Variants in MIB1 observed in about 807,000 individuals in gnomAD.
The protein encoded by MIB1 is MIB E3 ubiquitin protein ligase 1, also known as E3 ubiquitin-protein ligase MIB1.
MIB1 carries 278 observed loss-of-function variants against 124.5 expected under a neutral mutation model. That is an observed-to-expected ratio of 2.23 (90% CI 2.02 to 2.47). The LOEUF (loss-of-function observed/expected upper bound fraction) is 2.47. MIB1 is among the 30% of genes most tolerant of loss of function. The probability of loss-of-function intolerance (pLI) is 0.00; values close to 1 mark genes in which losing one functional copy is unlikely to be tolerated. For synonymous variants in MIB1, 446 were observed against 429.4 expected, an observed-to-expected ratio of 1.04 and a Z score of -0.48; for missense variants, 957 against 1,254.4, an observed-to-expected ratio of 0.76 and a Z score of 3.58.
intron 1 of MIB1, among the ~76,000 whole-genome samples, chr18:21,744,174 A>G (rs1037954158): frequency 2.0e-5 from 3 of 148,752 alleles, no homozygotes; most frequent in African/African-American, 7.4e-5. Context: ...GGACTATAAT[A>G]CTACTTTCAG....
chr18:21,805,809 G>T (rs1286673166), intron 10 of MIB1, among the ~76,000 whole-genome samples: 1 of 150,416 alleles, frequency 6.6e-6, no homozygotes, highest in African/African-American at 2.5e-5. Flanking sequence ...AGAGATTTTT[G>T]TTCACATGAG....
At chr18:21,754,520 TCA>T (rs2041009507) in intron 1 of MIB1, among the ~76,000 whole-genome samples, 1 of 152,180 alleles carries the variant, frequency 6.6e-6, no homozygotes, top group South Asian at 2.1e-4. Flanking sequence ...GGGCTCGTGT[TCA>T]CATAACCCTT....
chr18:21,820,928 A>G (rs1048270322), intron 12 of MIB1, among the ~76,000 whole-genome samples: 1 of 152,236 alleles, frequency 6.6e-6, no homozygotes, highest in African/African-American at 2.4e-5. Context: ...TTTCTGTATT[A>G]TGGTCTGTCT....
chr18:21,747,320 C>T (rs935487625), intron 1 of MIB1, among the ~76,000 whole-genome samples: 1 of 152,124 alleles, frequency 6.6e-6, no homozygotes, highest in African/African-American at 2.4e-5. Flanking sequence ...AACTAGTAGA[C>T]CCCTGTGTCA....
intron 1 of MIB1, among the ~76,000 whole-genome samples, chr18:21,757,798 T>C (rs1331968059): frequency 4.6e-5 from 7 of 151,912 alleles, no homozygotes; most frequent in Non-Finnish European, 1.0e-4. Flanking sequence ...TCTTTTAACA[T>C]TTTAAAATAT....
intron 10 of MIB1, among the ~76,000 whole-genome samples, chr18:21,806,377 A>G (rs1196668824): frequency 6.6e-6 from 1 of 151,598 alleles, no homozygotes; most frequent in East Asian, 2.0e-4. Flanking sequence ...ATTTTTAAAA[A>G]TTTTTATAAA....
At position 21,797,700 on chromosome 18, in the gene MIB1, G is replaced by GT. The variant is rs934982802; in HGVS notation, c.1093-376dup. 2.0e-4 allele frequency among the ~76,000 whole-genome samples: 30 copies of GT among 151,404 alleles called. 1 individual carries two copies. In the South Asian group the frequency reaches 3.8e-3, roughly 19 times the overall value. On this transcript the variant is annotated intron_variant, in intron 7 of 20. Coordinates refer to ENST00000261537, the MANE Select transcript of MIB1 (RefSeq NM_020774.4). ...AAATTAGTTTATTTTTTTATTTTTTGTTTTTTTTAGAAATCCAATTTTCTT... is the reference window on the plus strand; with the variant it reads ...AAATTAGTTTATTTTTTTATTTTTTGTTTTTTTTTAGAAATCCAATTTTCTT...
Position 21,824,214 on chromosome 18 carries a change from T to C in MIB1, c.1829+4568T>C, listed in dbSNP as rs1430542391. ...GTGAATCACCTGATGTGATATATGT[T>C]GTTTTTAGGTTGGTACTAAGATAAT... On this transcript the variant is annotated intron_variant, in intron 12 of 20. Coordinates refer to ENST00000261537, the MANE Select transcript of MIB1 (RefSeq NM_020774.4). 2.0e-5 allele frequency among the ~76,000 whole-genome samples: 3 copies of C among 152,226 alleles called. No individual in the cohort carries two copies. In the South Asian group the frequency reaches 6.2e-4, roughly 31 times the overall value.
chr18:21,742,169 G>A (rs1169615095), intron 1 of MIB1, among the ~76,000 whole-genome samples: 1 of 152,054 alleles, frequency 6.6e-6, no homozygotes, highest in Admixed American at 6.6e-5. Context: ...AAATTAATCA[G>A]CCACCAAGTG....
intron 20 of MIB1, among the ~76,000 whole-genome samples, chr18:21,860,124 T>TTTTTTTTTTC: frequency 7.4e-6 from 1 of 135,720 alleles, no homozygotes; most frequent in Non-Finnish European, 1.6e-5. Context: ...TTTTTTTTTT[T>TTTTTTTTTTC]TAGAGTCTCA....
At chr18:21,734,478 T>TC (rs2040786564) in intron 1 of MIB1, among the ~76,000 whole-genome samples, 1 of 149,106 alleles carries the variant, frequency 6.7e-6, no homozygotes, top group African/African-American at 2.5e-5. Context: ...CTCTCTCTCT[T>TC]TCTCTCTCTC....
chr18:21,780,257 C>T (rs1213857372), intron 6 of MIB1, among the ~76,000 whole-genome samples: 1 of 152,156 alleles, frequency 6.6e-6, no homozygotes, highest in Non-Finnish European at 1.5e-5. Context: ...ATTCCAGTTC[C>T]TCTCCCCAGC....
chr18:21,745,709 C>A (rs924904231), intron 1 of MIB1, among the ~76,000 whole-genome samples: 4 of 142,880 alleles, frequency 2.8e-5, no homozygotes, highest in Non-Finnish European at 6.0e-5. Context: ...CACACACACA[C>A]AAAATTTTAT....
At chr18:21,766,539 A>C (rs947031005) in intron 2 of MIB1, among the ~76,000 whole-genome samples, 1 of 152,184 alleles carries the variant, frequency 6.6e-6, no homozygotes, top group Non-Finnish European at 1.5e-5. Context: ...GGATCTTCTC[A>C]TGTAGATACA....
chr18:21,780,985 A>G (rs2041354638), intron 6 of MIB1, among the ~76,000 whole-genome samples: 1 of 152,218 alleles, frequency 6.6e-6, no homozygotes, highest in African/African-American at 2.4e-5. Context: ...ACTAATTTAA[A>G]GTCCCACCAA....
chr18:21,817,154 CTTTTTTTT>C (rs1040673828), intron 11 of MIB1, among the ~76,000 whole-genome samples: 38 of 75,012 alleles, frequency 5.1e-4, no homozygotes, highest in South Asian at 5.6e-4. Context: ...GTTAGGAATT[CTTTTTTTT>C]TTTTTTTTTT....
At chr18:21,763,166 T>C (rs1001294240) in intron 1 of MIB1, among the ~76,000 whole-genome samples, 1 of 152,130 alleles carries the variant, frequency 6.6e-6, no homozygotes, top group African/African-American at 2.4e-5. Flanking sequence ...GTTTTCTTAA[T>C]TTATAGATGA....
At chr18:21,799,538 GTTTA>G (rs1260230721) in intron 8 of MIB1, among the ~76,000 whole-genome samples, 1 of 151,988 alleles carries the variant, frequency 6.6e-6, no homozygotes, top group African/African-American at 2.4e-5. Flanking sequence ...ATGGTAGTGT[GTTTA>G]TTCATAAACT....
At chr18:21,724,096 G>A (rs2040726949) in intron 1 of MIB1, 1 of 152,232 alleles carries the variant, frequency 6.6e-6, no homozygotes, top group African/African-American at 2.4e-5. Context: ...TTTGATTTTT[G>A]GTTAAAGTAA....
Sources: allele counts gnomAD v4.1 joint callset (sites outside exome capture counted in the v4.1 genomes callset), GRCh38; gene constraint gnomAD v4.1.1; transcripts MANE v1.5; gene names NCBI Gene and HGNC (gene_info 2026-07-23, HGNC 2026-07-21).